Variants in ENOX1 observed in about 807,000 individuals in gnomAD.
ENOX1 encodes the protein candidate growth-related and time keeping constitutive hydroquinone (NADH) oxidase.
ENOX1 carries 42 observed loss-of-function variants against 82.5 expected under a neutral mutation model. The ratio of observed to expected loss-of-function variants is 0.51; its 90% CI spans 0.40 to 0.66. The LOEUF is 0.66. ENOX1 is among the 30% of genes least tolerant of loss of function. The pLI is 0.00. For synonymous variants in ENOX1, 271 were observed against 282.2 expected, an observed-to-expected ratio of 0.96 and a Z score of 0.40; for missense variants, 608 against 811.6, an observed-to-expected ratio of 0.75 and a Z score of 3.05.
At chr13:43,616,125 G>T (rs371302713) in intron 2 of ENOX1, among the ~76,000 whole-genome samples, 1 of 50,788 alleles carries the variant, frequency 2.0e-5, no homozygotes, top group African/African-American at 7.9e-5. Context: ...TAGATCTATA[G>T]ATATCTATCT....
At chr13:43,437,829 T>C (rs2056125290) in intron 3 of ENOX1, among the ~76,000 whole-genome samples, 3 of 151,952 alleles carry the variant, frequency 2.0e-5, no homozygotes, top group Admixed American at 6.6e-5. Context: ...CCTGGAAAAA[T>C]AGGTCAGTAT....
At chr13:43,516,254 C>A (rs1250527591) in intron 2 of ENOX1, among the ~76,000 whole-genome samples, 3 of 152,138 alleles carry the variant, frequency 2.0e-5, no homozygotes, top group Non-Finnish European at 4.4e-5. Flanking sequence ...AAGGTAAAGC[C>A]ACTGCCAACT....
At chr13:43,253,276 C>T (rs538392685) in intron 14 of ENOX1, among the ~76,000 whole-genome samples, 3 of 152,310 alleles carry the variant, frequency 2.0e-5, no homozygotes, top group South Asian at 4.1e-4. Flanking sequence ...CAGTCTTTCC[C>T]GCCTTTCTTC....
Position 43,213,848 on chromosome 13 carries a change from G to A in ENOX1, c.*142C>T, listed in dbSNP as rs2153446934. 2.5e-6 allele frequency: 2 copies of A among 787,012 alleles called. No individual in the cohort carries two copies. The highest frequency in any genetic ancestry group is 4.9e-5 in the South Asian group (2 of 41,068). 48.8% of individuals were successfully genotyped at this position (787,012 alleles called of 1,614,324 possible). ...ATTACATTTCCACTTACAAGAGAAC[G>A]CCACAGATATAACTAAAGGCAGGCT... On this transcript the variant is annotated 3_prime_UTR_variant, in exon 17 of 17. Transcript: ENST00000690772.
intron 1 of ENOX1, among the ~76,000 whole-genome samples, chr13:43,776,798 G>T: frequency 6.6e-6 from 1 of 151,378 alleles, no homozygotes; most frequent in African/African-American, 2.4e-5. Flanking sequence ...AATTCCCATT[G>T]CCAGGGATGC....
chr13:43,365,828 C>T (rs756114323), intron 5 of ENOX1, among the ~76,000 whole-genome samples: 1 of 152,202 alleles, frequency 6.6e-6, no homozygotes, highest in South Asian at 2.1e-4. Flanking sequence ...CCCTTCCTCC[C>T]GCCTGACGCC....
intron 1 of ENOX1, among the ~76,000 whole-genome samples, chr13:43,699,457 A>G (rs1007087611): frequency 2.6e-5 from 4 of 152,204 alleles, no homozygotes; most frequent in African/African-American, 9.7e-5. Flanking sequence ...CTGAATACTA[A>G]AGAACTTTTC....
chr13:43,683,481 C>T (rs1405963046), intron 1 of ENOX1, among the ~76,000 whole-genome samples: 2 of 152,066 alleles, frequency 1.3e-5, no homozygotes, highest in Non-Finnish European at 2.9e-5. Context: ...ACAAGAGAAT[C>T]AGACAAAAGA....
At position 43,569,100 on chromosome 13, in the gene ENOX1, A is replaced by G. The variant is rs553536926; in HGVS notation, c.-218-84948T>C. The stretch of plus-strand genomic sequence containing the variant: ...AGTAATAGAAAATCAATGGCTGTAT[A>G]CCCTTAGATAGAAATGCAGCCATCC... On this transcript the variant is annotated intron_variant, in intron 2 of 16. Coordinates refer to ENST00000690772, the MANE Select transcript of ENOX1 (RefSeq NM_001347969.2). Among the ~76,000 whole-genome samples the G allele has an allele frequency of 2.0e-5, 3 of 152,312 alleles. No homozygotes were observed. The East Asian group carries it at 5.8e-4, about 29-fold the overall frequency.
intron 3 of ENOX1, among the ~76,000 whole-genome samples, chr13:43,480,454 T>G (rs956150414): frequency 1.3e-5 from 2 of 152,114 alleles, no homozygotes; most frequent in Non-Finnish European, 2.9e-5. Context: ...TTATGCAGAT[T>G]TATAGGAAAA....
intron 2 of ENOX1, among the ~76,000 whole-genome samples, chr13:43,581,211 C>G (rs1298029891): frequency 2.1e-5 from 3 of 142,660 alleles, no homozygotes; most frequent in Non-Finnish European, 3.0e-5. Flanking sequence ...CGGCTCACTG[C>G]AAGCTCCGCC....
intron 3 of ENOX1, among the ~76,000 whole-genome samples, chr13:43,434,211 G>T (rs148376356): frequency 3.4e-4 from 52 of 152,312 alleles, no homozygotes; most frequent in African/African-American, 1.1e-3. Context: ...CCTGCTCAAG[G>T]TATTAGAAAC....
chr13:43,321,082 T>A (rs1202790012), intron 11 of ENOX1: 1 of 456,298 alleles, frequency 2.2e-6, no homozygotes, highest in East Asian at 6.9e-5. Context: ...GCATGGTGCC[T>A]ACTTGTATGT....
At chr13:43,281,297 T>C (rs75314568) in intron 12 of ENOX1, among the ~76,000 whole-genome samples, 1,893 of 152,310 alleles carry the variant, frequency 0.012, 32 homozygotes, top group African/African-American at 0.044. Flanking sequence ...GAAATCTATC[T>C]GGCAAAATAC....
intron 5 of ENOX1, among the ~76,000 whole-genome samples, chr13:43,411,662 T>G (rs903879280): frequency 1.3e-5 from 2 of 152,208 alleles, no homozygotes; most frequent in Non-Finnish European, 2.9e-5. Context: ...ATTTACCAAT[T>G]TTAAAAAACG....
In ENOX1 at chr13:43,213,932, G is replaced by C; in HGVS notation, c.*58C>G. The C allele has an allele frequency of 6.4e-7, 1 of 1,569,424 alleles. No individual in the cohort carries two copies. The highest frequency in any genetic ancestry group is 1.2e-5 in the South Asian group (1 of 85,130). ...ACCCCACACCTCCTGCTTCCCCGTC[G>C]CACCGCCCTGGCCAGGTTCACATGG... On this transcript the variant is annotated 3_prime_UTR_variant, in exon 17 of 17. Coordinates refer to ENST00000690772, the MANE Select transcript of ENOX1 (RefSeq NM_001347969.2).
At chr13:43,663,346 C>T (rs1027267012) in intron 2 of ENOX1, among the ~76,000 whole-genome samples, 7 of 152,272 alleles carry the variant, frequency 4.6e-5, no homozygotes, top group East Asian at 3.9e-4. Context: ...ACACTTTATG[C>T]TCCAGCAGTA....
intron 2 of ENOX1, among the ~76,000 whole-genome samples, chr13:43,553,674 T>C (rs375694531): frequency 7.4e-5 from 11 of 148,724 alleles, no homozygotes; most frequent in African/African-American, 2.7e-4. Flanking sequence ...TACTTAAGGC[T>C]GATATGTTGG....
chr13:43,697,179 G>T (rs959387720), intron 1 of ENOX1, among the ~76,000 whole-genome samples: 3 of 152,088 alleles, frequency 2.0e-5, no homozygotes, highest in African/African-American at 7.3e-5. Context: ...TTCAATTTTA[G>T]ACATAGATTG....
Sources: allele counts gnomAD v4.1 joint callset (sites outside exome capture counted in the v4.1 genomes callset), GRCh38; gene constraint gnomAD v4.1.1; transcripts MANE v1.5; gene names NCBI Gene and HGNC (gene_info 2026-07-23, HGNC 2026-07-21).